The following STX2 variants were observed in gnomAD, a reference collection of about 807,000 sequenced individuals.
STX2 encodes the protein syntaxin-2.
Under a neutral mutation model 40.6 loss-of-function variants are expected in STX2, and 27 were observed. That is an observed-to-expected ratio of 0.66 (90% CI 0.49 to 0.92). STX2 has a LOEUF of 0.92. STX2 is among the 40% of genes least tolerant of loss of function. STX2 has a pLI of 0.00. For missense variants in STX2, 328 were observed against 366.1 expected, an observed-to-expected ratio of 0.90 and a Z score of 0.85; for synonymous variants, 123 against 119.1, an observed-to-expected ratio of 1.03 and a Z score of -0.22.
Position 130,801,164 on chromosome 12 carries a change from C to T in STX2, c.664G>A (p.Val222Met), listed in dbSNP as rs1443018731. Residue 222 changes from valine (V) to methionine (M), a missense_variant, in exon 8 of 11, where the codon GTG becomes ATG. Val to Met is a conservative substitution (Grantham distance 21). Coordinates refer to ENST00000392373, the MANE Select transcript of STX2 (RefSeq NM_194356.4). ...GAGTCTGTAACTACCTGAGTCTCCA[C>T]AAACATAGCCATGTCCATGAACATC... ...HEMFMDMAMF[V>M]ETQGEMINNI... 6.2e-7 allele frequency: 1 copy of T among 1,611,916 alleles called. No homozygotes were observed. The highest frequency in any genetic ancestry group is 8.5e-7 in the Non-Finnish European group (1 of 1,178,502).
intron 9 of STX2, among the ~76,000 whole-genome samples, chr12:130,796,565 T>C (rs1951034866): frequency 6.6e-6 from 1 of 152,222 alleles, no homozygotes; most frequent in Admixed American, 6.5e-5. Flanking sequence ...TGCTTAATAC[T>C]GTTGGGCGAC....
chr12:130,832,594 C>A (rs1407374900), intron 1 of STX2, among the ~76,000 whole-genome samples: 1 of 152,186 alleles, frequency 6.6e-6, no homozygotes, highest in Non-Finnish European at 1.5e-5. Flanking sequence ...ACCACATGAT[C>A]TCGCCCCAGG....
intron 2 of STX2, among the ~76,000 whole-genome samples, chr12:130,826,366 T>G (rs939627113): frequency 2.0e-5 from 3 of 152,018 alleles, no homozygotes; most frequent in Non-Finnish European, 4.4e-5. Flanking sequence ...TTTGTAAAAC[T>G]CTCTTAAGGG....
chr12:130,804,847 C>T (rs978523518), intron 6 of STX2, among the ~76,000 whole-genome samples: 8 of 152,126 alleles, frequency 5.3e-5, no homozygotes, highest in South Asian at 2.1e-4. Flanking sequence ...GTACTGCATT[C>T]GATAGAGTAT....
At chr12:130,792,741 C>T (rs897175885) in intron 10 of STX2, among the ~76,000 whole-genome samples, 4 of 152,256 alleles carry the variant, frequency 2.6e-5, no homozygotes, top group South Asian at 2.1e-4. Flanking sequence ...GTTGGGATTA[C>T]AGGCATGAGC....
intron 3 of STX2, among the ~76,000 whole-genome samples, chr12:130,818,185 A>AAAAAAAAAAAAATATATATAT: frequency 5.7e-5 from 4 of 70,540 alleles, no homozygotes; most frequent in African/African-American, 3.6e-4. Context: ...AAAAAAAAAA[A>AAAAAAAAAAAAATATATATAT]ATATATATAT....
At chr12:130,819,667 C>T (rs528308325) in intron 3 of STX2, among the ~76,000 whole-genome samples, 6 of 152,326 alleles carry the variant, frequency 3.9e-5, no homozygotes, top group East Asian at 1.9e-4. Context: ...AATATAATTT[C>T]CCTAAGCATT....
At chr12:130,798,250 C>CA (rs5801935) in intron 9 of STX2, 327 of 147,000 alleles carry the variant, frequency 2.2e-3, no homozygotes, top group South Asian at 4.2e-3. Flanking sequence ...AACTCCAATT[C>CA]AAAAAAAAAA....
chr12:130,838,987 C>T, intron 1 of STX2, 83 bp downstream of exon 1: 2 of 1,155,452 alleles, frequency 1.7e-6, no homozygotes, highest in South Asian at 4.9e-5. Context: ...CCCGGAGCCC[C>T]GCCCAAGACG....
intron 1 of STX2, among the ~76,000 whole-genome samples, chr12:130,829,318 A>G (rs1163531143): frequency 6.6e-6 from 1 of 152,014 alleles, no homozygotes; most frequent in East Asian, 1.9e-4. Flanking sequence ...AATTTGAAAT[A>G]CTCTACACAC....
chr12:130,814,715 CA>C (rs1400873813), intron 3 of STX2, among the ~76,000 whole-genome samples: 1 of 138,802 alleles, frequency 7.2e-6, no homozygotes, highest in Non-Finnish European at 1.5e-5. Flanking sequence ...CGACTCGTTG[CA>C]ACTTCCGCCT....
intron 1 of STX2, among the ~76,000 whole-genome samples, chr12:130,829,098 TC>T (rs1318226639): frequency 6.6e-6 from 1 of 151,956 alleles, no homozygotes; most frequent in African/African-American, 2.4e-5. Flanking sequence ...CACCCCCTAG[TC>T]CCCACCATGA....
chr12:130,821,812 C>G (rs760528536), intron 2 of STX2, 24 bp from the exon 3 acceptor site: 8 of 1,504,174 alleles, frequency 5.3e-6, no homozygotes, highest in Admixed American at 1.7e-5. Context: ...AGAGTCATTA[C>G]AGCATGGCAA....
chr12:130,801,337 G>C (rs780548983), intron 7 of STX2, 47 bp from the exon 8 acceptor site: 1 of 1,595,228 alleles, frequency 6.3e-7, no homozygotes, highest in East Asian at 2.2e-5. Context: ...CTTATGATGG[G>C]TTTGGAAGTT....
At chr12:130,818,185 A>ATAT (rs1555222352) in intron 3 of STX2, among the ~76,000 whole-genome samples, 5 of 70,544 alleles carry the variant, frequency 7.1e-5, no homozygotes, top group South Asian at 7.4e-4. Context: ...AAAAAAAAAA[A>ATAT]ATATATATAT....
chr12:130,802,578 G>A (rs577884087), intron 6 of STX2, among the ~76,000 whole-genome samples: 9 of 152,200 alleles, frequency 5.9e-5, no homozygotes, highest in Non-Finnish European at 1.0e-4. Flanking sequence ...GCTCACTGCC[G>A]CTTTGACCTC....
chr12:130,804,015 C>G (rs1034173568), intron 6 of STX2, among the ~76,000 whole-genome samples: 4 of 152,184 alleles, frequency 2.6e-5, no homozygotes, highest in African/African-American at 9.6e-5. Context: ...TAGACCCCAC[C>G]TGGGGATTAC....
At position 130,813,788 on chromosome 12, in the gene STX2, A is replaced by C. The variant is rs1193185537; in HGVS notation, c.206-757T>G. 3.1e-5 allele frequency among the ~76,000 whole-genome samples: 3 copies of C among 98,182 alleles called. No homozygotes were observed. In the East Asian group the frequency reaches 2.5e-3, roughly 82 times the overall value. 64.4% of individuals were successfully genotyped at this position (98,182 alleles called of 152,430 possible). ...ATTTGCCAGTCCAGTGGCTGAAGTG[A>C]CCAGAAGGGAAGGGGGTTTCTCTCT... On this transcript the variant is annotated intron_variant, in intron 3 of 10. Coordinates refer to ENST00000392373, the MANE Select transcript of STX2 (RefSeq NM_194356.4).
chr12:130,795,473 C>A (rs555342824), intron 10 of STX2, among the ~76,000 whole-genome samples: 1 of 152,308 alleles, frequency 6.6e-6, no homozygotes, highest in South Asian at 2.1e-4. Flanking sequence ...AGGCTGAGTA[C>A]AGTGGCTCAT....
Sources: allele counts gnomAD v4.1 joint callset (sites outside exome capture counted in the v4.1 genomes callset), GRCh38; gene constraint gnomAD v4.1.1; transcripts MANE v1.5; gene names NCBI Gene and HGNC (gene_info 2026-07-23, HGNC 2026-07-21).